The following ZC4H2 variants were observed in gnomAD, a reference collection of about 807,000 sequenced individuals.
ZC4H2 encodes the protein zinc finger C4H2 domain-containing protein.
For missense variants in ZC4H2, 137 were observed against 173.9 expected, an observed-to-expected ratio of 0.79 and a Z score of 1.19; for synonymous variants, 84 against 66.3, an observed-to-expected ratio of 1.27 and a Z score of -1.30.
chrX:64,994,725 T>C (rs1932377966), intron 1 of ZC4H2, among the ~76,000 whole-genome samples: 1 of 111,605 alleles, frequency 9.0e-6, no homozygotes, highest in African/African-American at 3.3e-5. Flanking sequence ...CAAATACTTA[T>C]GGTAGATTCT....
At chrX:65,009,281 T>C (rs1372868398) in intron 1 of ZC4H2, among the ~76,000 whole-genome samples, 1 of 111,135 alleles carries the variant, frequency 9.0e-6, no homozygotes, top group African/African-American at 3.3e-5. Context: ...GCAGGGAGAA[T>C]GGGTAGCTGC....
At chrX:64,988,570 T>G (rs1932240899) in intron 1 of ZC4H2, among the ~76,000 whole-genome samples, 1 of 111,396 alleles carries the variant, frequency 9.0e-6, no homozygotes, top group Non-Finnish European at 1.9e-5. Context: ...TCGCCCACTT[T>G]TTGATGGGTT....
At chrX:64,964,757 A>C (rs764371808) in intron 1 of ZC4H2, among the ~76,000 whole-genome samples, 3 of 111,713 alleles carry the variant, frequency 2.7e-5, no homozygotes, top group Non-Finnish European at 3.8e-5. Context: ...CTACATAGAA[A>C]AATATCATGA....
intron 1 of ZC4H2, among the ~76,000 whole-genome samples, chrX:64,928,786 TTC>T (rs1197728764): frequency 2.4e-4 from 25 of 102,642 alleles, no homozygotes; most frequent in Admixed American, 1.4e-3. Flanking sequence ...TCTCTTCTTC[TTC>T]TTTTTCTTCT....
At chrX:65,002,397 C>T (rs909583461) in intron 1 of ZC4H2, among the ~76,000 whole-genome samples, 80 of 104,705 alleles carry the variant, frequency 7.6e-4, no homozygotes, top group African/African-American at 2.5e-3. Flanking sequence ...GGGAGGGAGG[C>T]GGGGGGTCAG....
At chrX:64,932,425 G>A (rs1929802219) in intron 1 of ZC4H2, among the ~76,000 whole-genome samples, 1 of 111,017 alleles carries the variant, frequency 9.0e-6, no homozygotes, top group Non-Finnish European at 1.9e-5. Context: ...ATATGTTTTG[G>A]ATTTTTTTCA....
At chrX:64,993,624 C>A (rs193027570) in intron 1 of ZC4H2, among the ~76,000 whole-genome samples, 3 of 111,611 alleles carry the variant, frequency 2.7e-5, no homozygotes. Flanking sequence ...TCCAGAACCA[C>A]AATAAGCAAA....
chrX:64,961,380 A>T (rs1221317267), intron 1 of ZC4H2, among the ~76,000 whole-genome samples: 4 of 111,422 alleles, frequency 3.6e-5, no homozygotes, highest in Non-Finnish European at 7.6e-5. Context: ...AAACTAAGAA[A>T]TTTTTTGATC....
In ZC4H2 at chrX:65,012,979, C is replaced by G. The variant is rs193093927; in HGVS notation, c.-272+21650G>C. 4.5e-5 allele frequency among the ~76,000 whole-genome samples: 5 copies of G among 111,442 alleles called. No individual in the cohort carries two copies. In the East Asian group the frequency reaches 1.4e-3, roughly 31 times the overall value. ...AAATTTTCCCTTACATTTCATTGGCCAGAACTAGTCTTATGGCCACACCAA... is the reference window on the plus strand; with the variant it reads ...AAATTTTCCCTTACATTTCATTGGCGAGAACTAGTCTTATGGCCACACCAA... On this transcript the variant is annotated intron_variant, in intron 1 of 4. Transcript: ENST00000337990.
chrX:64,986,409 T>C lies in ZC4H2; in HGVS notation c.-272+48220A>G, dbSNP rs189240777. Among the ~76,000 whole-genome samples the C allele has an allele frequency of 2.8e-4, 31 of 111,956 alleles. No individual in the cohort carries two copies. The Admixed American group carries it at 2.8e-3, about 10-fold the overall frequency. ...GAATCTAAGGCCAGGCATTCCCCCA[T>C]CTCTCTGCTACTACATGCTGACATT... is the stretch of plus-strand genomic sequence containing the variant. On this transcript the variant is annotated intron_variant, in intron 1 of 4. Transcript: ENST00000337990.
At chrX:64,966,626 G>A (rs1437888605) in intron 1 of ZC4H2, among the ~76,000 whole-genome samples, 1 of 111,686 alleles carries the variant, frequency 9.0e-6, no homozygotes. Flanking sequence ...CAACAAAAAG[G>A]AATGAAATAC....
At chrX:64,935,681 C>A (rs754608991) in intron 1 of ZC4H2, among the ~76,000 whole-genome samples, 42 of 112,129 alleles carry the variant, frequency 3.7e-4, no homozygotes, top group Non-Finnish European at 7.3e-4. Flanking sequence ...CCCAGGCAAA[C>A]AGGGTCTGGA....
At chrX:64,931,872 G>A (rs1045068650) in intron 1 of ZC4H2, among the ~76,000 whole-genome samples, 1 of 111,703 alleles carries the variant, frequency 9.0e-6, no homozygotes, top group Non-Finnish European at 1.9e-5. Flanking sequence ...AATTCTGTTT[G>A]TTCTAGGGTA....
intron 1 of ZC4H2, among the ~76,000 whole-genome samples, chrX:64,951,580 T>G (rs1243539148): frequency 1.8e-5 from 2 of 112,417 alleles, no homozygotes; most frequent in East Asian, 5.5e-4. Flanking sequence ...CATGCGTTTT[T>G]TGGCTGCATA....
chrX:64,943,711 C>A (rs775311688), intron 1 of ZC4H2, among the ~76,000 whole-genome samples: 1 of 111,080 alleles, frequency 9.0e-6, no homozygotes, highest in Non-Finnish European at 1.9e-5. Context: ...TTATTTTGAG[C>A]GCATGTGTAT....
intron 1 of ZC4H2, among the ~76,000 whole-genome samples, chrX:64,957,879 A>C (rs1281906898): frequency 2.7e-5 from 3 of 110,619 alleles, no homozygotes; most frequent in Non-Finnish European, 5.7e-5. Context: ...AAAAAAAATA[A>C]AAATAAAAAT....
intron 1 of ZC4H2, among the ~76,000 whole-genome samples, chrX:64,989,151 G>A (rs756478759): frequency 2.7e-5 from 3 of 111,683 alleles, no homozygotes; most frequent in Non-Finnish European, 3.8e-5. Context: ...GTCAGGTAGC[G>A]TGATGCCTCC....
intron 1 of ZC4H2, among the ~76,000 whole-genome samples, chrX:64,932,997 T>C (rs1279888005): frequency 8.9e-6 from 1 of 111,890 alleles, no homozygotes; most frequent in Non-Finnish European, 1.9e-5. Flanking sequence ...TCACCACTTA[T>C]TCTTAGGTTT....
chrX:64,926,483 T>A (rs750498317), intron 1 of ZC4H2, among the ~76,000 whole-genome samples: 8 of 111,711 alleles, frequency 7.2e-5, no homozygotes, highest in Non-Finnish European at 1.1e-4. Flanking sequence ...TGTTCCAGAG[T>A]GTATCATTTC....
Sources: gnomAD v4.1 joint callset for allele counts (sites outside exome capture counted in the v4.1 genomes callset) on GRCh38, gnomAD v4.1.1 for gene constraint, MANE v1.5 for transcripts, NCBI Gene and HGNC (gene_info 2026-07-23, HGNC 2026-07-21) for gene names.